The following ACBD5 variants were observed in gnomAD, a reference collection of about 807,000 sequenced individuals.
The protein encoded by ACBD5 is acyl-CoA-binding domain-containing protein 5.
A neutral mutation model predicts 71.8 loss-of-function variants in ACBD5; 40 were observed. The observed-to-expected ratio is 0.56, with a 90% CI of 0.43 to 0.72. The LOEUF (loss-of-function observed/expected upper bound fraction) is 0.72, where lower values mean the gene tolerates loss of function less well. ACBD5 is among the 30% of genes least tolerant of loss of function. The pLI, the probability that ACBD5 is intolerant of heterozygous loss-of-function variation, is 0.00. For synonymous variants in ACBD5, 229 were observed against 218.6 expected (o/e 1.05, Z -0.42); for missense variants, 559 against 644.5 (o/e 0.87, Z 1.44).
At chr10:27,202,047 C>A (rs1446800629) in intron 12 of ACBD5, among the ~76,000 whole-genome samples, 1 of 152,056 alleles carries the variant, frequency 6.6e-6, no homozygotes, top group African/African-American at 2.4e-5. Flanking sequence ...CTCTACTTGC[C>A]CACACTTTCC....
intron 12 of ACBD5, among the ~76,000 whole-genome samples, chr10:27,200,210 A>G (rs2059774275): frequency 6.6e-6 from 1 of 152,138 alleles, no homozygotes; most frequent in Non-Finnish European, 1.5e-5. Context: ...AACATGTTGC[A>G]GTAAAGAAGC....
At chr10:27,223,285 T>G in intron 5 of ACBD5, 53 bp downstream of exon 5, 1 of 1,280,432 alleles carries the variant, frequency 7.8e-7, no homozygotes, top group South Asian at 1.2e-5. Flanking sequence ...CAAATATTAA[T>G]ATGTGCATAA....
At chr10:27,223,009 A>G (rs2062551904) in intron 5 of ACBD5, among the ~76,000 whole-genome samples, 1 of 152,222 alleles carries the variant, frequency 6.6e-6, no homozygotes, top group Non-Finnish European at 1.5e-5. Context: ...TACTAAGTAA[A>G]CTACCTGGTG....
intron 12 of ACBD5, among the ~76,000 whole-genome samples, chr10:27,199,292 G>C (rs2059680896): frequency 6.6e-6 from 1 of 151,454 alleles, no homozygotes; most frequent in African/African-American, 2.4e-5. Context: ...CTAGGTTCAA[G>C]CTATTCTGCT....
At position 27,235,084 on chromosome 10, in the gene ACBD5, A is replaced by C; in HGVS notation, c.302+8T>G. ...TAAATTCTTGCATAGCTCTACACAA[A>C]AAATTACCATTTATATCTTCCAATA... is the stretch of plus-strand genomic sequence containing the variant. On this transcript the variant is annotated splice_region_variant and intron_variant, in intron 3 of 12. Transcript: ENST00000396271. The C allele has an allele frequency of 6.2e-7, 1 of 1,613,718 alleles. No homozygotes were observed. The highest frequency in any genetic ancestry group is 2.2e-5 in the East Asian group (1 of 44,808).
intron 3 of ACBD5, 112 bp downstream of exon 3, chr10:27,234,980 A>T: frequency 9.0e-7 from 1 of 1,110,846 alleles, no homozygotes; most frequent in Non-Finnish European, 1.3e-6. Context: ...AATTGTACCC[A>T]ATACCTAGGA....
intron 10 of ACBD5, among the ~76,000 whole-genome samples, chr10:27,207,666 C>G (rs967071130): frequency 6.6e-6 from 1 of 152,216 alleles, no homozygotes; most frequent in East Asian, 1.9e-4. Context: ...ACAGTTGAAA[C>G]TATAAATCAA....
intron 5 of ACBD5, 66 bp downstream of exon 5, chr10:27,223,272 A>C: frequency 8.3e-7 from 1 of 1,200,938 alleles, no homozygotes; most frequent in Non-Finnish European, 1.2e-6. Context: ...AAAATCAGAG[A>C]TACAAATATT....
chr10:27,234,414 G>A (rs994797365), intron 3 of ACBD5, among the ~76,000 whole-genome samples: 1 of 146,428 alleles, frequency 6.8e-6, no homozygotes, highest in Non-Finnish European at 1.5e-5. Flanking sequence ...ACAAGGAAAA[G>A]CCATTATTTT....
chr10:27,206,433 A>G (rs1474737687), intron 10 of ACBD5, among the ~76,000 whole-genome samples: 1 of 152,058 alleles, frequency 6.6e-6, no homozygotes, highest in African/African-American at 2.4e-5. Context: ...CCTGGGCAAC[A>G]TGGCAAAACT....
At chr10:27,190,189 G>T (rs908435120) in intron 13 of ACBD5, among the ~76,000 whole-genome samples, 3 of 152,156 alleles carry the variant, frequency 2.0e-5, no homozygotes, top group African/African-American at 7.2e-5. Flanking sequence ...GGAGGCTGAA[G>T]CTGGAGAATT....
chr10:27,216,980 C>T (rs555737912), intron 7 of ACBD5, among the ~76,000 whole-genome samples: 93 of 151,310 alleles, frequency 6.1e-4, no homozygotes, highest in African/African-American at 2.2e-3. Context: ...CCCCGTCTCA[C>T]TAAAAAATAC....
intron 5 of ACBD5, among the ~76,000 whole-genome samples, 195 bp from the exon 6 acceptor site, chr10:27,220,052 A>G (rs1462684905): frequency 6.6e-6 from 1 of 152,184 alleles, no homozygotes; most frequent in African/African-American, 2.4e-5. Context: ...TTATCACCTT[A>G]TGATCAAGCT....
intron 4 of ACBD5, among the ~76,000 whole-genome samples, chr10:27,226,491 C>T (rs893534207): frequency 2.0e-4 from 29 of 148,706 alleles, no homozygotes; most frequent in African/African-American, 6.5e-4. Flanking sequence ...CACACACAAG[C>T]AGACACAGGC....
At chr10:27,185,582 G>A (rs1452147201) in intron 13 of ACBD5, among the ~76,000 whole-genome samples, 1 of 140,728 alleles carries the variant, frequency 7.1e-6, no homozygotes. Flanking sequence ...GCAGTGAGCC[G>A]AGATTGTGCC....
At chr10:27,220,573 T>C (rs1207445803) in intron 5 of ACBD5, 1 of 152,202 alleles carries the variant, frequency 6.6e-6, no homozygotes, top group Non-Finnish European at 1.5e-5. Context: ...GACACTGTTT[T>C]GAGAACATGG....
intron 13 of ACBD5, chr10:27,186,531 C>G: frequency 1.2e-6 from 2 of 1,613,882 alleles, no homozygotes; most frequent in Non-Finnish European, 1.7e-6. Context: ...TGGATTTAGT[C>G]TGTAGCACAA....
At chr10:27,237,046 T>A (rs1413911921) in intron 2 of ACBD5, among the ~76,000 whole-genome samples, 4 of 152,084 alleles carry the variant, frequency 2.6e-5, no homozygotes, top group Non-Finnish European at 5.9e-5. Context: ...ATAGATAGTG[T>A]TCTAATGATA....
intron 9 of ACBD5, 24 bp downstream of exon 9, chr10:27,210,790 G>A (rs751187728): frequency 6.2e-6 from 10 of 1,613,614 alleles, no homozygotes; most frequent in Non-Finnish European, 7.6e-6. Context: ...ATAAAGGTGA[G>A]GGAAGAAAAA....
Sources: allele counts gnomAD v4.1 joint callset (sites outside exome capture counted in the v4.1 genomes callset), GRCh38; gene constraint gnomAD v4.1.1; transcripts MANE v1.5; gene names NCBI Gene and HGNC (gene_info 2026-07-23, HGNC 2026-07-21).